Variants in CUL4A observed in about 807,000 individuals in gnomAD.
CUL4A encodes cullin 4A.
CUL4A carries 16 observed loss-of-function variants against 95.5 expected under a neutral mutation model. The ratio of observed to expected loss-of-function variants is 0.17; its 90% CI spans 0.11 to 0.25. The LOEUF (loss-of-function observed/expected upper bound fraction) is 0.25. Among genes scored for constraint, CUL4A ranks in the 10% least tolerant of loss-of-function variants. The pLI is 1.00. For missense variants in CUL4A, 610 were observed against 937.0 expected (o/e 0.65, Z 4.56); for synonymous variants, 380 against 353.1 (o/e 1.08, Z -0.85).
At chr13:113,239,372 A>T in intron 9 of CUL4A, 61 bp from the exon 10 acceptor site, 1 of 1,369,978 alleles carries the variant, frequency 7.3e-7, no homozygotes, top group Non-Finnish European at 1.0e-6. Flanking sequence ...GCTGTATTCT[A>T]GTTGAGTTGT....
chr13:113,261,605 C>G (rs1225513809), intron 19 of CUL4A, among the ~76,000 whole-genome samples: 1 of 152,192 alleles, frequency 6.6e-6, no homozygotes, highest in Non-Finnish European at 1.5e-5. Flanking sequence ...TGGAGCAAGT[C>G]TCCTGTTGCC....
intron 18 of CUL4A, among the ~76,000 whole-genome samples, chr13:113,257,220 C>CGGCACCAGGTTCTTTTAATTAATGT: frequency 6.6e-6 from 1 of 152,118 alleles, no homozygotes; most frequent in Non-Finnish European, 1.5e-5. Context: ...CCACCATGCC[C>CGGCACCAGGTTCTTTTAATTAATGT]AGCCTGCTTT....
intron 4 of CUL4A, 76 bp from the exon 5 acceptor site, chr13:113,229,370 T>C: frequency 2.5e-6 from 3 of 1,186,204 alleles, no homozygotes; most frequent in Admixed American, 3.6e-5. Context: ...ACAGCTAGCA[T>C]GGAGTTAAAA....
intron 18 of CUL4A, among the ~76,000 whole-genome samples, chr13:113,257,022 T>C (rs1450896845): frequency 6.8e-6 from 1 of 148,028 alleles, no homozygotes; most frequent in Non-Finnish European, 1.5e-5. Flanking sequence ...TCCTCCGGGT[T>C]CAAGCGATTC....
rs571119367 is a variant in CUL4A, at chr13:113,264,386, G to A, written c.*804G>A. On this transcript the variant is annotated 3_prime_UTR_variant, in exon 20 of 20. Transcript: ENST00000375440. ...GATTTTTTTTAATTGCAGTATTTGTGTGATTGCAATAATAAAGTTTGGTTT... is the reference window on the plus strand; with the variant it reads ...GATTTTTTTTAATTGCAGTATTTGTATGATTGCAATAATAAAGTTTGGTTT... 6.6e-6 allele frequency: 1 copy of A among 151,970 alleles called. No individual in the cohort carries two copies. The highest frequency in any genetic ancestry group is 6.6e-5 in the Admixed American group (1 of 15,254). 9.4% of individuals were successfully genotyped at this position (151,970 alleles called of 1,614,324 possible).
At chr13:113,232,170 G>C (rs375760822) in intron 5 of CUL4A, among the ~76,000 whole-genome samples, 2 of 49,954 alleles carry the variant, frequency 4.0e-5, no homozygotes, top group Non-Finnish European at 3.4e-5. Flanking sequence ...ACCACTACCC[G>C]CCCACCACCA....
At chr13:113,215,458 G>A (rs1383777808) in intron 2 of CUL4A, among the ~76,000 whole-genome samples, 1 of 143,188 alleles carries the variant, frequency 7.0e-6, no homozygotes, top group East Asian at 2.2e-4. Context: ...GGAGGTTACT[G>A]TGTGCCTATG....
At chr13:113,229,925 C>T (rs1595377249) in intron 5 of CUL4A, 2 of 425,092 alleles carry the variant, frequency 4.7e-6, no homozygotes, top group Non-Finnish European at 8.2e-6. Flanking sequence ...CTCAGCCTCC[C>T]GGCCTCCTGA....
At chr13:113,235,465 C>T (rs2041507529) in intron 8 of CUL4A, among the ~76,000 whole-genome samples, 1 of 152,164 alleles carries the variant, frequency 6.6e-6, no homozygotes, top group Non-Finnish European at 1.5e-5. Context: ...TTCTCTGTTA[C>T]ACATTTTATA....
intron 18 of CUL4A, among the ~76,000 whole-genome samples, chr13:113,258,317 T>C (rs2139299234): frequency 6.6e-6 from 1 of 152,266 alleles, no homozygotes; most frequent in South Asian, 2.1e-4. Context: ...AATGTAGCTA[T>C]TCCTATAACT....
chr13:113,220,589 C>T (rs989686907), intron 3 of CUL4A, among the ~76,000 whole-genome samples: 1 of 152,226 alleles, frequency 6.6e-6, no homozygotes, highest in Non-Finnish European at 1.5e-5. Flanking sequence ...ATGCCCAAGC[C>T]TTCTCCCAAA....
chr13:113,254,163 G>A (rs931684408), intron 16 of CUL4A, among the ~76,000 whole-genome samples: 1 of 152,038 alleles, frequency 6.6e-6, no homozygotes, highest in Non-Finnish European at 1.5e-5. Flanking sequence ...TCCGCAGAGG[G>A]GGCCACCAAC....
At chr13:113,241,143 A>G (rs968571026) in intron 10 of CUL4A, among the ~76,000 whole-genome samples, 3 of 152,228 alleles carry the variant, frequency 2.0e-5, no homozygotes, top group Admixed American at 6.5e-5. Flanking sequence ...TAACTGAGTC[A>G]CACTAAATTG....
intron 3 of CUL4A, among the ~76,000 whole-genome samples, chr13:113,223,610 T>A (rs2040986324): frequency 6.6e-6 from 1 of 152,218 alleles, no homozygotes; most frequent in Admixed American, 6.5e-5. Flanking sequence ...TTGGTCAGGC[T>A]GGTCTCGAAT....
chr13:113,250,025 C>G (rs993875443), intron 15 of CUL4A, among the ~76,000 whole-genome samples: 2 of 152,212 alleles, frequency 1.3e-5, no homozygotes, highest in African/African-American at 4.8e-5. Flanking sequence ...CAAGTATTTT[C>G]TCCCATTCTG....
chr13:113,208,233 A>G (rs995399947), upstream of CUL4A: 26 of 1,491,678 alleles, frequency 1.7e-5, no homozygotes, highest in African/African-American at 2.8e-5. Context: ...TCCATCCGAC[A>G]CAGCACCGCC....
intron 8 of CUL4A, among the ~76,000 whole-genome samples, chr13:113,236,231 G>T (rs1219160909): frequency 6.6e-6 from 1 of 152,166 alleles, no homozygotes; most frequent in Non-Finnish European, 1.5e-5. Context: ...AGGAGCCTGT[G>T]GGAAATCCAG....
chr13:113,221,502 C>T (rs1366597236), intron 3 of CUL4A, among the ~76,000 whole-genome samples: 6 of 152,184 alleles, frequency 3.9e-5, no homozygotes, highest in African/African-American at 9.7e-5. Flanking sequence ...ACCCGAATGG[C>T]GGTGGCAAAA....
rs183360385 is a variant in CUL4A at position 113,254,802 on chromosome 13, C to A, written c.1858+4C>A. The A allele has an allele frequency of 3.7e-5, 59 of 1,610,174 alleles. No homozygotes were observed. Among genetic ancestry groups the A allele is most frequent in the Non-Finnish European group, 8.5e-7 (1 of 1,176,910 alleles). ...ATAAAAATGGCCACGGGGATAGGTACGAAAACTGCAGAGTGCATAGCTCCA... is the reference window on the plus strand; with the variant it reads ...ATAAAAATGGCCACGGGGATAGGTAAGAAAACTGCAGAGTGCATAGCTCCA... On this transcript the variant is annotated splice_donor_region_variant and intron_variant, in intron 17 of 19. Coordinates refer to ENST00000375440, the MANE Select transcript of CUL4A (RefSeq NM_001008895.4).
Sources: allele counts gnomAD v4.1 joint callset (sites outside exome capture counted in the v4.1 genomes callset), GRCh38; gene constraint gnomAD v4.1.1; transcripts MANE v1.5; gene names NCBI Gene and HGNC (gene_info 2026-07-23, HGNC 2026-07-21).